The following GREM2 variants were observed in gnomAD, a reference collection of about 807,000 sequenced individuals.
The protein encoded by GREM2 is gremlin-2.
Under a neutral mutation model 14.2 loss-of-function variants are expected in GREM2, and 11 were observed. The observed-to-expected ratio is 0.78, with a 90% CI of 0.49 to 1.28. GREM2 has a LOEUF of 1.28. Among genes scored for constraint, GREM2 ranks in the 50% most tolerant of loss-of-function variants. The pLI, the probability that GREM2 is intolerant of heterozygous loss-of-function variation, is 0.00. For synonymous variants in GREM2, 98 were observed against 97.6 expected, an observed-to-expected ratio of 1.00 and a Z score of -0.02; for missense variants, 210 against 218.5, an observed-to-expected ratio of 0.96 and a Z score of 0.24.
In GREM2 at chr1:240,507,190, G is replaced by T. The variant is rs1336152; in HGVS notation, c.-1-13714C>A. 2.0e-4 allele frequency among the ~76,000 whole-genome samples: 30 copies of T among 152,234 alleles called. No homozygotes were observed. In the East Asian group the frequency reaches 5.6e-3, roughly 28 times the overall value. ...TGTGTGGGTAATAAGATTACTGAGC[G>T]GTAGAGTAAGAAGAAAAGTGGGCTG... On this transcript the variant is annotated intron_variant, in intron 1 of 1. Coordinates refer to ENST00000318160, the MANE Select transcript of GREM2 (RefSeq NM_022469.4).
chr1:240,583,146 A>G (rs1477987321), intron 1 of GREM2, among the ~76,000 whole-genome samples: 3 of 152,156 alleles, frequency 2.0e-5, no homozygotes, highest in Non-Finnish European at 4.4e-5. Flanking sequence ...CTGTAACTAC[A>G]TCGAATCATC....
chr1:240,549,598 A>G (rs12069813), intron 1 of GREM2, among the ~76,000 whole-genome samples: 81,320 of 151,954 alleles, frequency 0.54, 24,021 homozygotes, highest in African/African-American at 0.8. Flanking sequence ...GGGGTTCCAC[A>G]GAACTGAGAC....
chr1:240,529,702 T>C (rs984125214), intron 1 of GREM2, among the ~76,000 whole-genome samples: 6 of 152,180 alleles, frequency 3.9e-5, no homozygotes, highest in African/African-American at 1.4e-4. Context: ...AAAATGGTAA[T>C]GGGGTGAGCA....
intron 1 of GREM2, among the ~76,000 whole-genome samples, chr1:240,510,923 T>C (rs971538175): frequency 1.3e-5 from 2 of 152,218 alleles, no homozygotes; most frequent in Admixed American, 6.5e-5. Context: ...TTAATTTTAT[T>C]TTGGTTACAA....
At chr1:240,509,190 C>A (rs969170559) in intron 1 of GREM2, among the ~76,000 whole-genome samples, 4 of 152,058 alleles carry the variant, frequency 2.6e-5, no homozygotes, top group African/African-American at 9.7e-5. Flanking sequence ...TCTTCTCCAG[C>A]CTGTGGGCTG....
intron 1 of GREM2, among the ~76,000 whole-genome samples, chr1:240,496,185 T>C (rs10926281): frequency 0.49 from 74,639 of 151,886 alleles, 18,441 homozygotes; most frequent in African/African-American, 0.5. Context: ...GATCTGCCGG[T>C]CTCGGCCTCC....
chr1:240,497,745 CA>C, intron 1 of GREM2, among the ~76,000 whole-genome samples: 1 of 151,460 alleles, frequency 6.6e-6, no homozygotes, highest in Middle Eastern at 3.4e-3. Flanking sequence ...TCCTTAGTTG[CA>C]CACATGAAAT....
chr1:240,609,822 A>C (rs1033406371), intron 1 of GREM2, among the ~76,000 whole-genome samples: 1 of 152,298 alleles, frequency 6.6e-6, no homozygotes, highest in East Asian at 1.9e-4. Flanking sequence ...ATTCCTTTGC[A>C]TTAGAAAAAG....
intron 1 of GREM2, among the ~76,000 whole-genome samples, chr1:240,597,739 C>T (rs866574079): frequency 2.0e-5 from 3 of 152,218 alleles, no homozygotes; most frequent in South Asian, 2.1e-4. Flanking sequence ...AAGTTCTAAG[C>T]GGATGGCTGA....
At chr1:240,504,123 T>C (rs1677630498) in intron 1 of GREM2, among the ~76,000 whole-genome samples, 2 of 152,150 alleles carry the variant, frequency 1.3e-5, no homozygotes, top group Non-Finnish European at 2.9e-5. Context: ...TCACAATAAT[T>C]TAATGCCTAT....
intron 1 of GREM2, among the ~76,000 whole-genome samples, chr1:240,608,331 G>A (rs188812731): frequency 1.5e-3 from 227 of 152,270 alleles, no homozygotes; most frequent in African/African-American, 5.1e-3. Context: ...TCCTAGCAAA[G>A]GCAGAGAAAT....
chr1:240,533,321 G>T (rs1027618052), intron 1 of GREM2, among the ~76,000 whole-genome samples: 1 of 152,206 alleles, frequency 6.6e-6, no homozygotes, highest in African/African-American at 2.4e-5. Context: ...GAACAGATCA[G>T]TTTAGCGGTC....
At chr1:240,525,660 G>A (rs552498657) in intron 1 of GREM2, among the ~76,000 whole-genome samples, 15 of 152,160 alleles carry the variant, frequency 9.9e-5, no homozygotes, top group East Asian at 3.9e-4. Flanking sequence ...TGTATTTTCA[G>A]TAGAGATGGG....
chr1:240,594,144 G>A (rs1338725636), intron 1 of GREM2, among the ~76,000 whole-genome samples: 4 of 151,878 alleles, frequency 2.6e-5, no homozygotes, highest in Admixed American at 6.6e-5. Context: ...TGTAGAGATC[G>A]GGTCTTGCCA....
chr1:240,609,430 T>A (rs931285827), intron 1 of GREM2, among the ~76,000 whole-genome samples: 1 of 151,934 alleles, frequency 6.6e-6, no homozygotes, highest in Non-Finnish European at 1.5e-5. Flanking sequence ...TTAGGCCTAT[T>A]ATACCTAATA....
rs561651402 is a variant in GREM2 at position 240,542,950 on chromosome 1, A to G, written c.-1-49474T>C. On this transcript the variant is annotated intron_variant, in intron 1 of 1. Transcript: ENST00000318160. This position sits in a 1 kb window ranked among gnomAD's most constrained non-coding sequence, Gnocchi z 4.1. The stretch of plus-strand genomic sequence containing the variant: ...TCTCCACTCTTAGAAGTTCTGTAAG[A>G]TCCCACCAAAAAATATCACCTTCTT... 6.6e-6 allele frequency among the ~76,000 whole-genome samples: 1 copy of G among 152,312 alleles called. No homozygotes were observed. The highest frequency in any genetic ancestry group is 1.9e-4 in the East Asian group (1 of 5,176).
At chr1:240,505,581 A>T (rs1677658775) in intron 1 of GREM2, among the ~76,000 whole-genome samples, 1 of 152,110 alleles carries the variant, frequency 6.6e-6, no homozygotes. Context: ...TTTCAGTGTT[A>T]CTGGGTATAT....
intron 1 of GREM2, among the ~76,000 whole-genome samples, chr1:240,583,879 G>A (rs1679538964): frequency 6.6e-6 from 1 of 152,072 alleles, no homozygotes; most frequent in Non-Finnish European, 1.5e-5. Flanking sequence ...TGGGATTACA[G>A]GCATGAGCCA....
At chr1:240,581,542 A>C (rs1679485169) in intron 1 of GREM2, among the ~76,000 whole-genome samples, 1 of 152,240 alleles carries the variant, frequency 6.6e-6, no homozygotes, top group Non-Finnish European at 1.5e-5. Context: ...TAACAAAGTC[A>C]TTAAAATCAA....
Sources: allele counts gnomAD v4.1 joint callset (sites outside exome capture counted in the v4.1 genomes callset), GRCh38; gene constraint gnomAD v4.1.1; non-coding constraint Gnocchi (gnomAD v3.1); transcripts MANE v1.5; gene names NCBI Gene and HGNC (gene_info 2026-07-23, HGNC 2026-07-21).